Variants in VCF1 observed in about 807,000 individuals in gnomAD.
VCF1 encodes the protein protein VCF1.
chr17:73,220,981 C>T, the VCF1 span, among the ~76,000 whole-genome samples: 3 of 148,200 alleles, frequency 2.0e-5, no homozygotes, highest in Non-Finnish European at 4.4e-5. Flanking sequence ...TCACTGCAAC[C>T]TCCGCCTCCC....
the VCF1 span, chr17:73,209,750 CACT>C: frequency 2.6e-6 from 4 of 1,542,548 alleles, no homozygotes; most frequent in Middle Eastern, 5.0e-4. Flanking sequence ...CTGCTCCCAC[CACT>C]GTCACTGCCT....
At chr17:73,224,990 C>CACAGG in the VCF1 span, among the ~76,000 whole-genome samples, 53 of 92,292 alleles carry the variant, frequency 5.7e-4, 2 homozygotes, top group African/African-American at 1.8e-3. Context: ...CACAGCACAG[C>CACAGG]ACAGGACAGG....
At chr17:73,213,717 C>G in the VCF1 span, among the ~76,000 whole-genome samples, 1 of 152,164 alleles carries the variant, frequency 6.6e-6, no homozygotes, top group Non-Finnish European at 1.5e-5. Context: ...CACCTGTAAT[C>G]CCAGCACTTT....
chr17:73,227,296 A>AG, the VCF1 span: 1 of 1,519,288 alleles, frequency 6.6e-7, no homozygotes, highest in South Asian at 1.2e-5. Context: ...AAAAAAAAAA[A>AG]AACCCAAACA....
the VCF1 span, among the ~76,000 whole-genome samples, chr17:73,221,338 T>C: frequency 2.0e-3 from 305 of 151,530 alleles, 19 homozygotes; most frequent in African/African-American, 6.9e-3. Flanking sequence ...AATTTGTAGA[T>C]AAAGATATTA....
At chr17:73,225,882 A>AAC in the VCF1 span, among the ~76,000 whole-genome samples, 81 of 74,706 alleles carry the variant, frequency 1.1e-3, no homozygotes, top group African/African-American at 4.1e-3. Context: ...ATATATATAT[A>AAC]ATATATATAT....
chr17:73,219,459 C>A, the VCF1 span, among the ~76,000 whole-genome samples: 1 of 150,522 alleles, frequency 6.6e-6, no homozygotes, highest in Non-Finnish European at 1.5e-5. Context: ...ACCATCCTGG[C>A]GAACACTGTG....
At chr17:73,223,360 C>G in the VCF1 span, among the ~76,000 whole-genome samples, 1 of 152,124 alleles carries the variant, frequency 6.6e-6, no homozygotes, top group East Asian at 1.9e-4. Flanking sequence ...GGGAAAGAAG[C>G]CATTTATGCA....
chr17:73,224,257 TCTCTCCAAAAAAAAAAAAAA>T, the VCF1 span, among the ~76,000 whole-genome samples: 2 of 49,320 alleles, frequency 4.1e-5, no homozygotes, highest in African/African-American at 8.1e-5. Context: ...TGAGACGTCG[TCTCTCCAAAAAAAAAAAAAA>T]AAAAAAAACC....
chr17:73,219,507 G>A, the VCF1 span, among the ~76,000 whole-genome samples: 3 of 151,294 alleles, frequency 2.0e-5, no homozygotes, highest in East Asian at 2.0e-4. Context: ...AAAATTAGCC[G>A]GGTGTGGTGG....
the VCF1 span, among the ~76,000 whole-genome samples, chr17:73,231,261 C>A: frequency 3.9e-5 from 6 of 152,324 alleles, no homozygotes; most frequent in African/African-American, 1.2e-4. Flanking sequence ...AAGACCGTAA[C>A]AGGAAGAGCA....
the VCF1 span, chr17:73,207,807 G>A: frequency 7.0e-6 from 9 of 1,284,456 alleles, no homozygotes; most frequent in South Asian, 5.0e-5. Context: ...TTACAGCATC[G>A]AGTTGTTTGC....
At chr17:73,232,102 C>CGCTCATGGCA in the VCF1 span, 1 of 1,608,784 alleles carries the variant, frequency 6.2e-7, no homozygotes, top group Non-Finnish European at 8.5e-7. Flanking sequence ...CGGAGGCGCT[C>CGCTCATGGCA]GCTCATGGCA....
At chr17:73,223,972 C>A in the VCF1 span, among the ~76,000 whole-genome samples, 1 of 149,130 alleles carries the variant, frequency 6.7e-6, no homozygotes, top group Non-Finnish European at 1.5e-5. Flanking sequence ...AGAGGGAGCC[C>A]CTGCCAGAAA....
the VCF1 span, among the ~76,000 whole-genome samples, chr17:73,211,132 T>G: frequency 3.7e-4 from 57 of 152,266 alleles, no homozygotes; most frequent in Middle Eastern, 3.4e-3. Flanking sequence ...AATGTCTGCT[T>G]ACAACTAGGT....
At chr17:73,214,829 T>A in the VCF1 span, among the ~76,000 whole-genome samples, 1 of 152,216 alleles carries the variant, frequency 6.6e-6, no homozygotes, top group Non-Finnish European at 1.5e-5. Flanking sequence ...GAAACAAGGG[T>A]CCAAAGACTT....
chr17:73,214,947 T>A, the VCF1 span, among the ~76,000 whole-genome samples: 8 of 152,242 alleles, frequency 5.3e-5, no homozygotes, highest in South Asian at 1.4e-3. Flanking sequence ...CTCATTTTCT[T>A]TTCTCTGAAT....
chr17:73,209,412 C>G, the VCF1 span: 3 of 1,283,400 alleles, frequency 2.3e-6, no homozygotes, highest in Non-Finnish European at 3.2e-6. Context: ...CAAATATAGA[C>G]TGAAAAGCCA....
chr17:73,209,422 A>G, the VCF1 span: 14 of 1,354,710 alleles, frequency 1.0e-5, no homozygotes, highest in Non-Finnish European at 1.4e-5. Context: ...CTGAAAAGCC[A>G]ACAGGCATTT....
Sources: allele counts gnomAD v4.1 joint callset (sites outside exome capture counted in the v4.1 genomes callset), GRCh38; gene constraint gnomAD v4.1.1; transcripts MANE v1.5; gene names NCBI Gene and HGNC (gene_info 2026-07-23, HGNC 2026-07-21).